CNTN4: variants seen among roughly 807,000 people sequenced by gnomAD.
CNTN4 encodes the protein contactin 4, also known as contactin-4.
A neutral mutation model predicts 122.5 loss-of-function variants in CNTN4; 77 were observed. The observed-to-expected ratio is 0.63, with a 90% CI of 0.52 to 0.76. The LOEUF (loss-of-function observed/expected upper bound fraction) is 0.76. CNTN4 is among the 30% of genes least tolerant of loss of function. CNTN4 has a pLI of 0.00. For missense variants in CNTN4, 1,256 were observed against 1,259.1 expected (o/e 1.00, Z 0.04); for synonymous variants, 512 against 447.0 (o/e 1.15, Z -1.83).
rs973415 is a variant in CNTN4 at position 2,905,934 on chromosome 3, G to A, written c.1207+2929G>A. ...AGAATCTTCAGTGCTTTTTAAAGCT[G>A]TTGACTCCTCAGTGGATGAATGGGC... is the stretch of plus-strand genomic sequence containing the variant. On this transcript the variant is annotated intron_variant, in intron 12 of 24. Transcript: ENST00000418658. Among the ~76,000 whole-genome samples, 521 of 152,342 alleles carry A rather than the reference G, an allele frequency of 3.4e-3. 20 individuals carry two copies. Among genetic ancestry groups the A allele is most frequent in the Admixed American group, 0.031 (478 of 15,306 alleles).
At chr3:2,369,451 A>G (rs2045544128) in intron 3 of CNTN4, among the ~76,000 whole-genome samples, 1 of 152,222 alleles carries the variant, frequency 6.6e-6, no homozygotes, top group African/African-American at 2.4e-5. Context: ...AATGACAGAT[A>G]TTGATATGAA....
chr3:2,534,713 C>G lies in CNTN4; in HGVS notation c.-88-36703C>G, dbSNP rs566697158. On this transcript the variant is annotated intron_variant, in intron 3 of 24. Coordinates refer to ENST00000418658, the MANE Select transcript of CNTN4 (RefSeq NM_175607.3). ...TGGATGTCCTCTGAAGTTTTAATTGCTTACACTGTCTTCCTTTTTGCTCCC... is the reference window on the plus strand; with the variant it reads ...TGGATGTCCTCTGAAGTTTTAATTGGTTACACTGTCTTCCTTTTTGCTCCC... 2.0e-5 allele frequency among the ~76,000 whole-genome samples: 3 copies of G among 150,978 alleles called. No homozygotes were observed. In the South Asian group the frequency reaches 6.4e-4, roughly 32 times the overall value.
At chr3:2,842,575 CAA>C (rs749128481) in intron 7 of CNTN4, among the ~76,000 whole-genome samples, 3 of 152,166 alleles carry the variant, frequency 2.0e-5, no homozygotes, top group Non-Finnish European at 2.9e-5. Context: ...AAAACTGCAC[CAA>C]AGAGTCATCT....
chr3:2,877,073 A>G (rs74465681), intron 8 of CNTN4, among the ~76,000 whole-genome samples: 2,076 of 152,306 alleles, frequency 0.014, 51 homozygotes, highest in African/African-American at 0.047. Flanking sequence ...TAGGAAAAAT[A>G]CTTAAGAACT....
chr3:2,515,819 T>C (rs1279868463), intron 3 of CNTN4, among the ~76,000 whole-genome samples: 2 of 152,144 alleles, frequency 1.3e-5, no homozygotes, highest in Non-Finnish European at 2.9e-5. Flanking sequence ...GGACATGGAT[T>C]GTAGTGCTTT....
At chr3:2,488,689 AT>A (rs143708993) in intron 3 of CNTN4, among the ~76,000 whole-genome samples, 3,271 of 152,302 alleles carry the variant, frequency 0.021, 64 homozygotes, top group Non-Finnish European at 0.036. Context: ...TTTATATGTC[AT>A]TTCACTTAAA....
At chr3:2,504,551 A>G (rs901865620) in intron 3 of CNTN4, among the ~76,000 whole-genome samples, 5 of 152,182 alleles carry the variant, frequency 3.3e-5, no homozygotes, top group Admixed American at 2.0e-4. Flanking sequence ...AACCATTCTT[A>G]TAACAAATGA....
intron 3 of CNTN4, among the ~76,000 whole-genome samples, chr3:2,498,816 G>C (rs1225694586): frequency 6.6e-6 from 1 of 151,216 alleles, no homozygotes; most frequent in Non-Finnish European, 1.5e-5. Context: ...TTGAGATGAA[G>C]TCTTGCTCTG....
intron 7 of CNTN4, among the ~76,000 whole-genome samples, chr3:2,845,685 T>C (rs879744653): frequency 2.0e-5 from 3 of 152,124 alleles, no homozygotes; most frequent in African/African-American, 7.2e-5. Flanking sequence ...GGAGGTAAAA[T>C]ACTCAGATCA....
At chr3:2,143,110 C>T (rs570900367) in intron 2 of CNTN4, among the ~76,000 whole-genome samples, 1 of 152,300 alleles carries the variant, frequency 6.6e-6, no homozygotes, top group South Asian at 2.1e-4. Context: ...ACTGTACTGC[C>T]GTGCAGCCTT....
At chr3:2,577,055 G>T (rs977233190) in intron 4 of CNTN4, among the ~76,000 whole-genome samples, 1 of 152,174 alleles carries the variant, frequency 6.6e-6, no homozygotes, top group Non-Finnish European at 1.5e-5. Flanking sequence ...CAATTCTCAG[G>T]CATATTTAAC....
chr3:2,738,817 G>T (rs938560151), intron 5 of CNTN4, among the ~76,000 whole-genome samples: 7 of 151,834 alleles, frequency 4.6e-5, no homozygotes, highest in Admixed American at 2.0e-4. Flanking sequence ...AAAGCAGATG[G>T]GTTTACATAT....
In CNTN4 at chr3:2,955,698, T is replaced by C. The variant is rs79874826; in HGVS notation, c.1358+29919T>C. 9.3e-4 allele frequency among the ~76,000 whole-genome samples: 142 copies of C among 152,334 alleles called. 1 individual carries two copies. In the East Asian group the frequency reaches 0.025, roughly 27 times the overall value. ...CATTTAGTAGTGGAGCCTACTAATATCTCATGGCAGAGGCTGAAAGAGGGA... is the reference window on the plus strand; with the variant it reads ...CATTTAGTAGTGGAGCCTACTAATACCTCATGGCAGAGGCTGAAAGAGGGA... On this transcript the variant is annotated intron_variant, in intron 13 of 24. Transcript: ENST00000418658.
rs1458081521 is a variant in CNTN4 at position 2,394,167 on chromosome 3, GT to G, written c.-89+54944del. Among the ~76,000 whole-genome samples the G allele has an allele frequency of 2.5e-3, 274 of 111,222 alleles. 1 individual carries two copies. The highest frequency in any genetic ancestry group is 0.016 in the Middle Eastern group (3 of 188). 73.0% of individuals were successfully genotyped at this position (111,222 alleles called of 152,430 possible). Reference sequence around the variant, plus strand: ...GAGTGTGTCGTTTAAAAAGGAAGTTGTTTTTTTTTTAATATTGAGAATGAAA... The same window carrying G: ...GAGTGTGTCGTTTAAAAAGGAAGTTGTTTTTTTTTAATATTGAGAATGAAA... On this transcript the variant is annotated intron_variant, in intron 3 of 24. Transcript: ENST00000418658.
At chr3:2,908,916 A>G (rs957368728) in intron 12 of CNTN4, among the ~76,000 whole-genome samples, 2 of 152,122 alleles carry the variant, frequency 1.3e-5, no homozygotes, top group Non-Finnish European at 2.9e-5. Flanking sequence ...GTGGTGGAAC[A>G]CATCTGACCC....
rs187596214 is a variant in CNTN4, at chr3:2,105,515, G to A, written c.-145+4876G>A. On this transcript the variant is annotated intron_variant, in intron 2 of 24. Coordinates refer to ENST00000418658, the MANE Select transcript of CNTN4 (RefSeq NM_175607.3). ...GAAGCAAAGGCAGGTCTTACATGGC[G>A]GCAGGCAAGAGACAGTGAAGGAGGA... Among the ~76,000 whole-genome samples the A allele has an allele frequency of 2.6e-3, 403 of 152,192 alleles. 1 individual carries two copies. Among genetic ancestry groups the A allele is most frequent in the Middle Eastern group, 0.017 (5 of 292 alleles).
chr3:2,445,488 G>C (rs9310735), intron 3 of CNTN4, among the ~76,000 whole-genome samples: 1 of 151,954 alleles, frequency 6.6e-6, no homozygotes, highest in Non-Finnish European at 1.5e-5. Context: ...AAAATATTTA[G>C]ATCTATAGAC....
intron 6 of CNTN4, among the ~76,000 whole-genome samples, chr3:2,799,572 C>T (rs1347154947): frequency 6.6e-6 from 1 of 152,086 alleles, no homozygotes; most frequent in Non-Finnish European, 1.5e-5. Context: ...AAGCGATTCT[C>T]CTGCCTCAGC....
intron 2 of CNTN4, among the ~76,000 whole-genome samples, chr3:2,331,720 C>T (rs1388638380): frequency 6.6e-6 from 1 of 152,164 alleles, no homozygotes; most frequent in South Asian, 2.1e-4. Context: ...TCTGAACCTC[C>T]AGCCTGTCTA....
Sources: gnomAD v4.1 joint callset for allele counts (sites outside exome capture counted in the v4.1 genomes callset) on GRCh38, gnomAD v4.1.1 for gene constraint, MANE v1.5 for transcripts, NCBI Gene and HGNC (gene_info 2026-07-23, HGNC 2026-07-21) for gene names.